KIAA1328: variants seen among roughly 807,000 people sequenced by gnomAD.
KIAA1328 encodes KIAA1328.
Under a neutral mutation model 68.1 loss-of-function variants are expected in KIAA1328, and 52 were observed. The ratio of observed to expected loss-of-function variants is 0.76; its 90% CI spans 0.61 to 0.96. The LOEUF is 0.96. Ranked by LOEUF, KIAA1328 falls within the 40% of genes least tolerant of loss-of-function variation. The pLI, the probability that KIAA1328 is intolerant of heterozygous loss-of-function variation, is 0.00. For missense variants in KIAA1328, 641 were observed against 677.6 expected (o/e 0.95, Z 0.60); for synonymous variants, 232 against 239.4 (o/e 0.97, Z 0.28).
At chr18:36,880,461 T>A (rs760077688) in intron 4 of KIAA1328, among the ~76,000 whole-genome samples, 2 of 152,238 alleles carry the variant, frequency 1.3e-5, no homozygotes, top group African/African-American at 2.4e-5. Flanking sequence ...CTGTTTCTAT[T>A]TGGCCATCTT....
chr18:37,067,446 A>T lies in KIAA1328; in HGVS notation c.1133A>T (p.Glu378Val). The change falls in exon 7 of 10, where the codon GAA (glutamate) becomes GTA (valine). Residue 378 changes from glutamate to valine, a missense_variant. Glu to Val is a moderately radical substitution (Grantham distance 121). Transcript: ENST00000280020. ...CTGATGCTTCAGAAAATGGAACTGG[A>T]AATTGAAAAGGAGCGCCTTCAGCAT... ...QQLMLQKMELEIEKERLQHLL... is the reference protein window; with the variant it reads ...QQLMLQKMELVIEKERLQHLL... 6.3e-7 allele frequency: 1 copy of T among 1,588,540 alleles called. No homozygotes were observed. The highest frequency in any genetic ancestry group is 8.6e-7 in the Non-Finnish European group (1 of 1,167,358).
intron 3 of KIAA1328, among the ~76,000 whole-genome samples, chr18:36,841,588 G>T (rs950527164): frequency 1.3e-5 from 2 of 151,932 alleles, no homozygotes; most frequent in Non-Finnish European, 2.9e-5. Flanking sequence ...ATCGGGGTTC[G>T]CCGACTTTTT....
intron 6 of KIAA1328, among the ~76,000 whole-genome samples, chr18:36,981,097 A>G (rs1407120476): frequency 1.3e-5 from 2 of 152,248 alleles, no homozygotes; most frequent in Non-Finnish European, 2.9e-5. Context: ...AATTCTTATT[A>G]GTAAAATAAT....
chr18:37,102,725 C>T (rs1450161128), intron 7 of KIAA1328, among the ~76,000 whole-genome samples: 2 of 152,048 alleles, frequency 1.3e-5, no homozygotes, highest in Admixed American at 1.3e-4. Context: ...GAAGTGCTAG[C>T]CAGACCAATC....
chr18:37,019,352 G>T (rs1388431187), intron 6 of KIAA1328, among the ~76,000 whole-genome samples: 1 of 152,170 alleles, frequency 6.6e-6, no homozygotes, highest in African/African-American at 2.4e-5. Flanking sequence ...GTGTATACTT[G>T]ATCCTTGTTT....
chr18:36,924,324 C>CTAA (rs2050035058), intron 5 of KIAA1328, among the ~76,000 whole-genome samples: 1 of 151,886 alleles, frequency 6.6e-6, no homozygotes, highest in African/African-American at 2.4e-5. Context: ...GCCAAGTTGT[C>CTAA]CAGATGAGAG....
chr18:37,137,193 T>G (rs2154207283), intron 7 of KIAA1328, among the ~76,000 whole-genome samples: 1 of 152,284 alleles, frequency 6.6e-6, no homozygotes, highest in South Asian at 2.1e-4. Flanking sequence ...CTGGAGTTCA[T>G]ATTTTAATGT....
intron 6 of KIAA1328, among the ~76,000 whole-genome samples, chr18:37,039,826 C>A (rs906797945): frequency 6.6e-6 from 1 of 152,142 alleles, no homozygotes; most frequent in Admixed American, 6.5e-5. Flanking sequence ...CTGGGTTCTC[C>A]ACTGGGGATA....
At chr18:37,176,284 A>G (rs1283906295) in intron 9 of KIAA1328, among the ~76,000 whole-genome samples, 1 of 152,252 alleles carries the variant, frequency 6.6e-6, no homozygotes, top group Non-Finnish European at 1.5e-5. Context: ...TTATTAACTC[A>G]TAAAGTTTAT....
Position 37,222,363 on chromosome 18 carries a change from A to C in KIAA1328, c.*136A>C. Reference sequence around the variant, plus strand: ...CTCACTAGCATCCTGTTACGTATTGAATATAGAAATCATTCTAACAACCCA... The same window carrying C: ...CTCACTAGCATCCTGTTACGTATTGCATATAGAAATCATTCTAACAACCCA... On this transcript the variant is annotated 3_prime_UTR_variant, in exon 10 of 10. Coordinates refer to ENST00000280020, the MANE Select transcript of KIAA1328 (RefSeq NM_020776.3). The C allele has an allele frequency of 6.9e-7, 1 of 1,456,150 alleles. No homozygotes were observed. The highest frequency in any genetic ancestry group is 2.5e-5 in the East Asian group (1 of 40,252). 90.2% of individuals were successfully genotyped at this position (1,456,150 alleles called of 1,614,324 possible). A position where few individuals can be genotyped will look rare whatever the true frequency, so the allele number is the denominator to read the frequency against.
chr18:37,114,997 G>A lies in KIAA1328; in HGVS notation c.1233-45203G>A, dbSNP rs994967466. On this transcript the variant is annotated intron_variant, in intron 7 of 9. Coordinates refer to ENST00000280020, the MANE Select transcript of KIAA1328 (RefSeq NM_020776.3). ...TGAATCCCTGAATAGACCAGTAACA[G>A]GCTCTGAAATTGAGGCAATAATTAA... Among the ~76,000 whole-genome samples, 3 of 152,152 alleles carry A rather than the reference G, an allele frequency of 2.0e-5. No homozygotes were observed. The South Asian group carries it at 6.2e-4, about 31-fold the overall frequency.
intron 5 of KIAA1328, among the ~76,000 whole-genome samples, chr18:36,935,988 A>G (rs893181812): frequency 1.3e-5 from 2 of 152,214 alleles, no homozygotes; most frequent in African/African-American, 2.4e-5. Context: ...AATTAAATAT[A>G]GCCAGGATAC....
chr18:36,930,356 A>C (rs528639572), intron 5 of KIAA1328, among the ~76,000 whole-genome samples: 1 of 152,030 alleles, frequency 6.6e-6, no homozygotes, highest in African/African-American at 2.4e-5. Context: ...CAACTTTCCT[A>C]TGGGTCCAAA....
chr18:36,978,993 C>G (rs1265628044), intron 6 of KIAA1328, among the ~76,000 whole-genome samples: 1 of 152,076 alleles, frequency 6.6e-6, no homozygotes, highest in Non-Finnish European at 1.5e-5. Context: ...GACCCCATCT[C>G]TACAAATATT....
intron 4 of KIAA1328, among the ~76,000 whole-genome samples, chr18:36,883,350 A>C (rs2048382134): frequency 6.6e-6 from 1 of 152,214 alleles, no homozygotes; most frequent in Non-Finnish European, 1.5e-5. Context: ...GGCATACAGC[A>C]CACAGTTTAT....
At chr18:37,094,444 GC>G (rs2057349008) in intron 7 of KIAA1328, among the ~76,000 whole-genome samples, 1 of 152,176 alleles carries the variant, frequency 6.6e-6, no homozygotes, top group African/African-American at 2.4e-5. Context: ...TTCACAGACA[GC>G]CAATAACTGA....
chr18:37,109,445 T>C (rs1190292865), intron 7 of KIAA1328, among the ~76,000 whole-genome samples: 4 of 152,220 alleles, frequency 2.6e-5, no homozygotes, highest in Admixed American at 6.5e-5. Context: ...TTTTTGTCTC[T>C]AGATAATTTT....
chr18:37,225,469 C>T (rs933437118), downstream of KIAA1328: 6 of 269,714 alleles, frequency 2.2e-5, no homozygotes, highest in Non-Finnish European at 3.4e-5. Context: ...AGGAGCCTGT[C>T]GTTGACTGAG....
chr18:36,946,701 A>G (rs1403444832), intron 5 of KIAA1328, among the ~76,000 whole-genome samples: 1 of 152,178 alleles, frequency 6.6e-6, no homozygotes, highest in Non-Finnish European at 1.5e-5. Context: ...ATAAGAATTA[A>G]ATATAATCTC....
Sources: allele counts gnomAD v4.1 joint callset (sites outside exome capture counted in the v4.1 genomes callset), GRCh38; gene constraint gnomAD v4.1.1; transcripts MANE v1.5; gene names NCBI Gene and HGNC (gene_info 2026-07-23, HGNC 2026-07-21).